The following ATP5MC2 variants were observed in gnomAD, a reference collection of about 807,000 sequenced individuals.
ATP5MC2 encodes ATP synthase membrane subunit c locus 2, also known as ATP synthase F(0) complex subunit C2, mitochondrial.
Under a neutral mutation model 13.5 loss-of-function variants are expected in ATP5MC2, and 11 were observed. The ratio of observed to expected loss-of-function variants is 0.81; its 90% CI spans 0.51 to 1.35. ATP5MC2 has a LOEUF of 1.35. Among genes scored for constraint, ATP5MC2 ranks in the 40% most tolerant of loss-of-function variants. ATP5MC2 has a pLI of 0.00. For missense variants in ATP5MC2, 132 were observed against 175.0 expected (o/e 0.75, Z 1.39); for synonymous variants, 64 against 69.7 (o/e 0.92, Z 0.41).
chr12:53,679,238 CGAGAGAGAGA>C (rs59340879), upstream of ATP5MC2, among the ~76,000 whole-genome samples: 1,079 of 127,744 alleles, frequency 8.4e-3, 9 homozygotes, highest in Middle Eastern at 0.052. Context: ...ATTTTAAAAA[CGAGAGAGAGA>C]GAGAGAGAGA....
At chr12:53,670,356 C>G in intron 2 of ATP5MC2, 1 of 346,420 alleles carries the variant, frequency 2.9e-6, no homozygotes. Context: ...TTTGAAAAAC[C>G]ATTTAATACT....
At chr12:53,671,896 C>G (rs1356402333) in intron 2 of ATP5MC2, among the ~76,000 whole-genome samples, 1 of 151,894 alleles carries the variant, frequency 6.6e-6, no homozygotes, top group African/African-American at 2.4e-5. Context: ...GAGTTTGAGA[C>G]CAGCCCGGCC....
chr12:53,669,419 C>T (rs999538621), intron 3 of ATP5MC2, 78 bp from the exon 4 acceptor site: 15 of 1,469,586 alleles, frequency 1.0e-5, no homozygotes, highest in Non-Finnish European at 1.3e-5. Context: ...TTTAAGCTGC[C>T]AAATCCCATT....
intron 4 of ATP5MC2, 63 bp from the exon 5 acceptor site, chr12:53,665,491 T>A: frequency 7.7e-7 from 1 of 1,306,784 alleles, no homozygotes; most frequent in Non-Finnish European, 1.1e-6. Context: ...GATAAATATC[T>A]AAGATGGGCT....
chr12:53,666,642 C>A (rs554583865), intron 4 of ATP5MC2, among the ~76,000 whole-genome samples: 1 of 151,498 alleles, frequency 6.6e-6, no homozygotes, highest in African/African-American at 2.4e-5. Flanking sequence ...TACCTGTAAT[C>A]CCAGCTACTT....
intron 2 of ATP5MC2, among the ~76,000 whole-genome samples, chr12:53,671,205 G>A (rs1313437199): frequency 1.3e-5 from 2 of 152,230 alleles, no homozygotes; most frequent in Non-Finnish European, 2.9e-5. Context: ...CAGATAAAGT[G>A]AGATTCAAAT....
rs770201061 is a variant in ATP5MC2 at position 53,665,275 on chromosome 12, C to G, written c.*39G>C. 2 of 1,555,568 alleles carry G rather than the reference C, an allele frequency of 1.3e-6. No homozygotes were observed. Among genetic ancestry groups the G allele is most frequent in the South Asian group, 2.3e-5 (2 of 87,670 alleles). ...TAGGAAAAGGAACACACGGGGCCAACCAGACGCGGGAGAACTATGGGAGGT... is the reference window on the plus strand; with the variant it reads ...TAGGAAAAGGAACACACGGGGCCAAGCAGACGCGGGAGAACTATGGGAGGT... On this transcript the variant is annotated 3_prime_UTR_variant, in exon 5 of 5. Transcript: ENST00000394349.
chr12:53,676,140 A>T (rs796912660), upstream of ATP5MC2: 4 of 1,614,262 alleles, frequency 2.5e-6, no homozygotes, highest in African/African-American at 5.3e-5. Context: ...CGGGCCAACG[A>T]GTCGCTCAGC....
At chr12:53,681,106 A>G (rs1593063649), upstream of ATP5MC2, among the ~76,000 whole-genome samples, 2 of 151,700 alleles carry the variant, frequency 1.3e-5, no homozygotes, top group South Asian at 4.1e-4. Context: ...GAGTTTCACC[A>G]TGTTGGTCAG....
chr12:53,669,809 G>C, intron 3 of ATP5MC2, 62 bp downstream of exon 3: 1 of 1,541,922 alleles, frequency 6.5e-7, no homozygotes, highest in Non-Finnish European at 8.9e-7. Flanking sequence ...TCCTGGTTCT[G>C]GCAGGTAACC....
upstream of ATP5MC2, chr12:53,677,453 A>G (rs553483955): frequency 2.0e-5 from 3 of 152,230 alleles, no homozygotes; most frequent in African/African-American, 7.2e-5. Flanking sequence ...AGGAATTTCA[A>G]TGCGGCCAAT....
chr12:53,675,926 G>C lies in ATP5MC2; in HGVS notation c.-32+127C>G, dbSNP rs570429120. 3.6e-6 allele frequency: 5 copies of C among 1,378,604 alleles called. No individual in the cohort carries two copies. The South Asian group carries it at 4.3e-5, about 12-fold the overall frequency. The allele number at this position is 1,378,604 out of a possible 1,614,324, so 85.4% of individuals were successfully genotyped here. On this transcript the variant is annotated intron_variant, in intron 1 of 4. Coordinates refer to ENST00000394349, the MANE Select transcript of ATP5MC2 (RefSeq NM_005176.7). ...CCAACTCTAAGGCTAAGGGATAGCG[G>C]AAGCAAGAAAGGGCGAGAGGACCAG... is the stretch of plus-strand genomic sequence containing the variant.
chr12:53,676,399 C>T (rs1036687049), upstream of ATP5MC2: 8 of 656,580 alleles, frequency 1.2e-5, no homozygotes, highest in African/African-American at 1.3e-4. Context: ...AGTCGTCACA[C>T]TGCCAAAACA....
intron 1 of ATP5MC2, 112 bp downstream of exon 1, chr12:53,675,941 G>C: frequency 6.9e-7 from 1 of 1,439,896 alleles, no homozygotes; most frequent in South Asian, 1.4e-5. Context: ...AAGAAAGGGC[G>C]AGAGGACCAG....
chr12:53,675,940 C>A, intron 1 of ATP5MC2, 113 bp downstream of exon 1: 2 of 1,434,408 alleles, frequency 1.4e-6, no homozygotes, highest in Non-Finnish European at 1.9e-6. Context: ...CAAGAAAGGG[C>A]GAGAGGACCA....
At chr12:53,680,146 C>T (rs143123226), upstream of ATP5MC2, among the ~76,000 whole-genome samples, 189 of 152,156 alleles carry the variant, frequency 1.2e-3, no homozygotes, top group African/African-American at 4.3e-3. Context: ...CCACCATGCC[C>T]GGCTAATTTT....
intron 1 of ATP5MC2, among the ~76,000 whole-genome samples, chr12:53,674,426 T>C (rs1565628955): frequency 6.6e-6 from 1 of 152,234 alleles, no homozygotes. Context: ...TAGGTATACT[T>C]AACGCAAGAG....
rs1944886290 is a variant in ATP5MC2, at chr12:53,665,407, C to A, written c.333G>T (p.Gln111His). 1 of 1,613,950 alleles carries A rather than the reference C, an allele frequency of 6.2e-7. No individual in the cohort carries two copies. Among genetic ancestry groups the A allele is most frequent in the African/African-American group, 1.3e-5 (1 of 74,898 alleles). Residue 111 changes from glutamine to histidine, a missense_variant, in exon 5 of 5, where the codon CAG becomes CAT. Coordinates refer to ENST00000394349, the MANE Select transcript of ATP5MC2 (RefSeq NM_005176.7). ...AGCCCAGAATGGCGTAGGAGAAGAG[C>A]TGTTGCTTCAGAGAAGGGTTCCTGG... The part of the protein sequence containing the change: ...GYARNPSLKQ[Q>H]LFSYAILGFA...
At chr12:53,667,956 C>CATACACATATAT (rs1944971986) in intron 4 of ATP5MC2, among the ~76,000 whole-genome samples, 4 of 67,364 alleles carry the variant, frequency 5.9e-5, no homozygotes, top group African/African-American at 1.9e-4. Flanking sequence ...CATACACACA[C>CATACACATATAT]ATATATATAT....
Sources: gnomAD v4.1 joint callset for allele counts (sites outside exome capture counted in the v4.1 genomes callset) on GRCh38, gnomAD v4.1.1 for gene constraint, MANE v1.5 for transcripts, NCBI Gene and HGNC (gene_info 2026-07-23, HGNC 2026-07-21) for gene names.